Variants in PAK1 observed in about 807,000 individuals in gnomAD.
PAK1 encodes serine/threonine-protein kinase PAK 1.
In PAK1, 29 loss-of-function variants were observed where a neutral mutation model predicts 67.4. The observed-to-expected ratio is 0.43, with a 90% CI of 0.32 to 0.59. The LOEUF is 0.59. PAK1 is among the 20% of genes least tolerant of loss of function. The pLI is 0.07. For missense variants in PAK1, 337 were observed against 670.7 expected, an observed-to-expected ratio of 0.50 and a Z score of 5.50; for synonymous variants, 223 against 237.4, an observed-to-expected ratio of 0.94 and a Z score of 0.56.
rs996759627 is a variant in PAK1, at chr11:77,336,951, T to G, written c.1216+373A>C. ...TAGAAGGACCAGCATGTACTGGACA[T>G]TCAATAAAAGTTTGCTGAATAACTG... On this transcript the variant is annotated intron_variant, in intron 12 of 14. Transcript: ENST00000356341. Among the ~76,000 whole-genome samples the G allele has an allele frequency of 2.0e-5, 3 of 151,954 alleles. No individual in the cohort carries two copies. In the East Asian group the frequency reaches 5.8e-4, roughly 29 times the overall value.
At position 77,428,516 on chromosome 11, in the gene PAK1, G is replaced by C. The variant is rs369354146; in HGVS notation, c.-21-35975C>G. Among the ~76,000 whole-genome samples, 8 of 151,342 alleles carry C rather than the reference G, an allele frequency of 5.3e-5. No individual in the cohort carries two copies. In the East Asian group the frequency reaches 1.2e-3, roughly 22 times the overall value. Reference sequence around the variant, plus strand: ...GAACCTAGGAGGCGGAGGTTGCAGTGAGCCGAGATTGCACCACTGCACTCC... The same window carrying C: ...GAACCTAGGAGGCGGAGGTTGCAGTCAGCCGAGATTGCACCACTGCACTCC... On this transcript the variant is annotated intron_variant, in intron 1 of 14. Transcript: ENST00000356341.
chr11:77,412,887 C>T (rs1954710631), intron 1 of PAK1, among the ~76,000 whole-genome samples: 1 of 152,248 alleles, frequency 6.6e-6, no homozygotes. Flanking sequence ...TTTTAACCAA[C>T]TATTGTGCAT....
At chr11:77,350,601 T>G (rs1036244832) in intron 8 of PAK1, among the ~76,000 whole-genome samples, 8 of 152,276 alleles carry the variant, frequency 5.3e-5, no homozygotes, top group Middle Eastern at 3.4e-3. Flanking sequence ...TGAAGAAAAT[T>G]AAAATTCTGC....
intron 2 of PAK1, among the ~76,000 whole-genome samples, chr11:77,392,087 T>C (rs1437752095): frequency 1.3e-5 from 2 of 152,216 alleles, no homozygotes; most frequent in Non-Finnish European, 2.9e-5. Flanking sequence ...TCACTTCAGA[T>C]TGTCCCAAAT....
At chr11:77,332,199 C>G (rs1411640574) in intron 14 of PAK1, among the ~76,000 whole-genome samples, 2 of 147,252 alleles carry the variant, frequency 1.4e-5, no homozygotes, top group East Asian at 4.0e-4. Flanking sequence ...TCTGAGCTAC[C>G]TGGGAGGCTG....
chr11:77,504,056 T>C, the PAK1 span, among the ~76,000 whole-genome samples: 1 of 152,034 alleles, frequency 6.6e-6, no homozygotes, highest in Non-Finnish European at 1.5e-5. Context: ...CACACTCAGT[T>C]AATTTTTGTA....
chr11:77,440,797 C>T (rs1038849028), intron 1 of PAK1, among the ~76,000 whole-genome samples: 9 of 152,178 alleles, frequency 5.9e-5, no homozygotes, highest in Non-Finnish European at 1.2e-4. Context: ...AAGAGACCTT[C>T]TAAGCTGCTG....
At position 77,337,364 on chromosome 11, in the gene PAK1, A is replaced by G; in HGVS notation, c.1176T>C (p.Ser392=). Reference sequence around the variant, plus strand: ...CATCCATTCCCAACAGAATATTGTCACTCTTGATGTCTCTGTGAATGACCT... The same window carrying G: ...CATCCATTCCCAACAGAATATTGTCGCTCTTGATGTCTCTGTGAATGACCT... ...SNQVIHRDIK[S]DNILLGMDGS... is the part of the protein sequence containing the mutation. The change falls in exon 12 of 15, where the codon AGT becomes AGC. Residue 392 remains serine, a synonymous_variant. Coordinates refer to ENST00000356341, the MANE Select transcript of PAK1 (RefSeq NM_002576.5). 1 of 1,610,710 alleles carries G rather than the reference A, an allele frequency of 6.2e-7. No homozygotes were observed. The highest frequency in any genetic ancestry group is 8.5e-7 in the Non-Finnish European group (1 of 1,177,352).
intron 1 of PAK1, among the ~76,000 whole-genome samples, chr11:77,469,735 C>T (rs1305532026): frequency 2.0e-5 from 3 of 150,986 alleles, no homozygotes; most frequent in Non-Finnish European, 4.4e-5. Context: ...CCAGAAGGAG[C>T]AAACACTGGT....
intron 1 of PAK1, among the ~76,000 whole-genome samples, chr11:77,406,794 G>C (rs933899086): frequency 8.7e-5 from 13 of 150,284 alleles, no homozygotes; most frequent in African/African-American, 3.1e-4. Context: ...GGAAAAAAAA[G>C]AGTAGACACC....
chr11:77,459,109 T>C (rs1394369086), intron 1 of PAK1, among the ~76,000 whole-genome samples: 1 of 152,102 alleles, frequency 6.6e-6, no homozygotes, highest in African/African-American at 2.4e-5. Context: ...AACTGTCTAT[T>C]TAGAGAGATA....
intron 1 of PAK1, among the ~76,000 whole-genome samples, chr11:77,433,881 T>A (rs1955982368): frequency 6.6e-6 from 1 of 152,174 alleles, no homozygotes; most frequent in Non-Finnish European, 1.5e-5. Context: ...AATAAACACA[T>A]GAAAAGATAC....
intron 2 of PAK1, among the ~76,000 whole-genome samples, chr11:77,389,893 C>T (rs1449283700): frequency 6.6e-6 from 1 of 152,134 alleles, no homozygotes; most frequent in Non-Finnish European, 1.5e-5. Context: ...TATTACCTTT[C>T]TAGTTTGAGT....
At chr11:77,440,517 T>G (rs1467144810) in intron 1 of PAK1, among the ~76,000 whole-genome samples, 1 of 152,158 alleles carries the variant, frequency 6.6e-6, no homozygotes, top group Non-Finnish European at 1.5e-5. Flanking sequence ...GGAAACAAAC[T>G]GAGAAAGGTT....
intron 1 of PAK1, among the ~76,000 whole-genome samples, chr11:77,460,075 C>T (rs1170352697): frequency 1.3e-5 from 2 of 149,254 alleles, no homozygotes; most frequent in African/African-American, 5.0e-5. Context: ...AAGGAGAAGC[C>T]AGAATTGCGA....
intron 1 of PAK1, among the ~76,000 whole-genome samples, chr11:77,392,759 TG>T (rs1304623932): frequency 6.6e-6 from 1 of 152,246 alleles, no homozygotes; most frequent in African/African-American, 2.4e-5. Flanking sequence ...TGCTTTTCTT[TG>T]CATTCCCATT....
At chr11:77,344,048 C>A in intron 9 of PAK1, 117 bp from the exon 10 acceptor site, 1 of 693,928 alleles carries the variant, frequency 1.4e-6, no homozygotes, top group South Asian at 1.6e-5. Context: ...CAGTCTTAGC[C>A]CTCGAGTAAT....
the PAK1 span, among the ~76,000 whole-genome samples, chr11:77,497,996 C>G: frequency 6.6e-6 from 1 of 152,038 alleles, no homozygotes; most frequent in Non-Finnish European, 1.5e-5. Context: ...TAATACTTAA[C>G]CTTAGTCTGT....
intron 6 of PAK1, chr11:77,356,424 GAGGT>G (rs1161493233): frequency 6.6e-6 from 1 of 152,196 alleles, no homozygotes; most frequent in African/African-American, 2.4e-5. Context: ...TCTTCATCAA[GAGGT>G]AGTAGAGTGT....
Sources: gnomAD v4.1 joint callset for allele counts (sites outside exome capture counted in the v4.1 genomes callset) on GRCh38, gnomAD v4.1.1 for gene constraint, MANE v1.5 for transcripts, NCBI Gene and HGNC (gene_info 2026-07-23, HGNC 2026-07-21) for gene names.